The following ATRNL1 variants were observed in gnomAD, a reference collection of about 807,000 sequenced individuals.
The protein encoded by ATRNL1 is attractin-like protein 1.
In ATRNL1, 95 loss-of-function variants were observed where a neutral mutation model predicts 182.7. The ratio of observed to expected loss-of-function variants is 0.52; its 90% confidence interval spans 0.44 to 0.62. The LOEUF (loss-of-function observed/expected upper bound fraction) is 0.62, where lower values mean the gene tolerates loss of function less well. ATRNL1 is among the 20% of genes least tolerant of loss of function. The pLI, the probability that ATRNL1 is intolerant of heterozygous loss-of-function variation, is 0.00. For synonymous variants in ATRNL1, 576 were observed against 568.3 expected (o/e 1.01, Z -0.19); for missense variants, 1,471 against 1,679.5 (o/e 0.88, Z 2.17).
intron 26 of ATRNL1, among the ~76,000 whole-genome samples, chr10:115,692,704 TTTTA>T (rs746930456): frequency 6.6e-6 from 1 of 151,954 alleles, no homozygotes. Flanking sequence ...TTTTAAAACA[TTTTA>T]TTTATTTATT....
intron 8 of ATRNL1, among the ~76,000 whole-genome samples, chr10:115,189,215 G>A (rs782196164): frequency 6.6e-6 from 1 of 151,534 alleles, no homozygotes; most frequent in East Asian, 1.9e-4. Context: ...ACTGCCAGTC[G>A]TACAGAAGTA....
At chr10:115,464,786 T>A (rs1352013612) in intron 22 of ATRNL1, among the ~76,000 whole-genome samples, 2 of 151,794 alleles carry the variant, frequency 1.3e-5, no homozygotes, top group African/African-American at 4.8e-5. Flanking sequence ...GTACGCTGAT[T>A]TCACCATCCT....
chr10:115,637,632 A>ATTATTATTG (rs1488710617), intron 26 of ATRNL1, among the ~76,000 whole-genome samples: 4 of 147,986 alleles, frequency 2.7e-5, no homozygotes, highest in African/African-American at 9.8e-5. Flanking sequence ...TATTATTATT[A>ATTATTATTG]TTATTATTTT....
intron 5 of ATRNL1, among the ~76,000 whole-genome samples, chr10:115,153,665 C>A (rs1026624093): frequency 1.3e-5 from 2 of 151,958 alleles, no homozygotes; most frequent in Admixed American, 6.6e-5. Context: ...AAATCCAGCT[C>A]CTGCTCCTGG....
At chr10:115,880,366 G>A (rs781844414) in intron 28 of ATRNL1, among the ~76,000 whole-genome samples, 2 of 152,182 alleles carry the variant, frequency 1.3e-5, no homozygotes, top group Non-Finnish European at 2.9e-5. Context: ...GCTCACGCCT[G>A]TAATCCTAAC....
chr10:115,743,497 A>G (rs782396170), intron 27 of ATRNL1, among the ~76,000 whole-genome samples: 35 of 152,110 alleles, frequency 2.3e-4, no homozygotes, highest in Admixed American at 1.6e-3. Flanking sequence ...AATGAGAAAC[A>G]TTATCTTAAG....
chr10:115,290,525 G>A (rs1049122555), intron 15 of ATRNL1, among the ~76,000 whole-genome samples: 5 of 152,066 alleles, frequency 3.3e-5, no homozygotes, highest in East Asian at 1.9e-4. Flanking sequence ...GCCTGGTGGC[G>A]GGCGCCTGTA....
chr10:115,129,062 G>C (rs1162061618), intron 4 of ATRNL1, among the ~76,000 whole-genome samples: 1 of 152,178 alleles, frequency 6.6e-6, no homozygotes, highest in East Asian at 1.9e-4. Context: ...AGATCCTGCA[G>C]ATGTTGAGCA....
At position 115,264,166 on chromosome 10, in the gene ATRNL1, T is replaced by C. The variant is rs145923501; in HGVS notation, c.1688-1027T>C. 4.1e-3 allele frequency among the ~76,000 whole-genome samples: 624 copies of C among 151,834 alleles called. 2 individuals carry two copies. Among genetic ancestry groups the C allele is most frequent in the African/African-American group, 0.013 (544 of 41,552 alleles). On this transcript the variant is annotated intron_variant, in intron 10 of 28. Transcript: ENST00000355044. ...GTTACGTATGTATACATGTGCCATG[T>C]TGGTGTTCAGCATCATTTTCTAAAC...
chr10:115,462,078 C>T lies in ATRNL1; in HGVS notation c.3417+43C>T, dbSNP rs200634962. The T allele has an allele frequency of 4.2e-5, 60 of 1,421,834 alleles. No individual in the cohort carries two copies. In the African/African-American group the frequency reaches 7.3e-4, roughly 17 times the overall value. 88.1% of individuals were successfully genotyped at this position (1,421,834 alleles called of 1,614,324 possible). A position where few individuals can be genotyped will look rare whatever the true frequency, so the allele number is the denominator to read the frequency against. ...TCTTTTAAAGTATAATTATTGGACA[C>T]AATTTTTTTTTCATATTTCATTTGA... is the stretch of plus-strand genomic sequence containing the variant. On this transcript the variant is annotated intron_variant, in intron 22 of 28. Coordinates refer to ENST00000355044, the MANE Select transcript of ATRNL1 (RefSeq NM_207303.4).
At chr10:115,344,280 TAA>T (rs782520912) in intron 19 of ATRNL1, among the ~76,000 whole-genome samples, 1 of 152,142 alleles carries the variant, frequency 6.6e-6, no homozygotes, top group African/African-American at 2.4e-5. Flanking sequence ...GGACTAGAGT[TAA>T]AAACCTTAGA....
At chr10:115,187,151 C>T (rs1554888891) in intron 8 of ATRNL1, among the ~76,000 whole-genome samples, 1 of 150,952 alleles carries the variant, frequency 6.6e-6, no homozygotes, top group African/African-American at 2.4e-5. Flanking sequence ...AGAGGGAGTA[C>T]TTGTACACTG....
At chr10:115,309,681 TAGGGTTTTCTAGGTATAC>T (rs1564900047) in intron 17 of ATRNL1, among the ~76,000 whole-genome samples, 2 of 152,084 alleles carry the variant, frequency 1.3e-5, no homozygotes, top group African/African-American at 4.8e-5. Context: ...GAGGGCTCTT[TAGGGTTTTCTAGGTATAC>T]AATCATATCA....
intron 26 of ATRNL1, among the ~76,000 whole-genome samples, chr10:115,579,582 A>G (rs561243095): frequency 1.3e-5 from 2 of 151,842 alleles, no homozygotes; most frequent in African/African-American, 4.8e-5. Flanking sequence ...GTCTTTTTCC[A>G]TCCCTTCACT....
Position 115,549,468 on chromosome 10 carries a change from T to C in ATRNL1, c.3727T>C (p.Ser1243Pro). 6.3e-7 allele frequency: 1 copy of C among 1,599,104 alleles called. No individual in the cohort carries two copies. Among genetic ancestry groups the C allele is most frequent in the Non-Finnish European group, 8.5e-7 (1 of 1,172,434 alleles). Residue 1243 changes from serine (S) to proline (P), a missense_variant, in exon 26 of 29, where the codon TCC (serine) becomes CCC (proline). Physicochemically the swap from Ser to Pro is moderately conservative, Grantham distance 74. This residue lies in a region of ATRNL1 where 437 missense variants were observed against 506.0 expected (regional missense o/e 0.86). Transcript: ENST00000355044. ...TGTTTTATTTTCCAGTTGTTTCCTA[T>C]CCTTATTGCTGGTGGCTGCTGTGGT... is the stretch of plus-strand genomic sequence containing the variant. ...FFVTFFSCFLSLLLVAAVVWK... is the reference protein window; with the variant it reads ...FFVTFFSCFLPLLLVAAVVWK...
In ATRNL1 at chr10:115,478,448, G is replaced by T. The variant is rs144178659; in HGVS notation, c.3654+9119G>T. ...TCTTCTTAGCCTCTAGAAGATGGCC[G>T]CTGTTCCCTGCCACATGGCCCTCTC... On this transcript the variant is annotated intron_variant, in intron 24 of 28. Coordinates refer to ENST00000355044, the MANE Select transcript of ATRNL1 (RefSeq NM_207303.4). 1.7e-3 allele frequency among the ~76,000 whole-genome samples: 258 copies of T among 151,816 alleles called. 1 individual carries two copies. The highest frequency in any genetic ancestry group is 5.8e-3 in the African/African-American group (240 of 41,500).
intron 26 of ATRNL1, among the ~76,000 whole-genome samples, chr10:115,611,968 G>A (rs111592618): frequency 4.9e-4 from 75 of 152,128 alleles, no homozygotes; most frequent in African/African-American, 1.8e-3. Context: ...AGACAACTGA[G>A]GGCCAGCCAT....
intron 18 of ATRNL1, among the ~76,000 whole-genome samples, chr10:115,328,918 T>C (rs1214476622): frequency 6.6e-6 from 1 of 152,134 alleles, no homozygotes. Context: ...TGCTGCAATA[T>C]ATTAATACAT....
In ATRNL1 at chr10:115,357,695, T is replaced by C. The variant is rs1199591879; in HGVS notation, c.3175+23276T>C. On this transcript the variant is annotated intron_variant, in intron 19 of 28. Transcript: ENST00000355044. Reference sequence around the variant, plus strand: ...CTTTACTTTATGGCCAATTTATTGATTTTATAGTAATAATTTATGTTTTTA... The same window carrying C: ...CTTTACTTTATGGCCAATTTATTGACTTTATAGTAATAATTTATGTTTTTA... Among the ~76,000 whole-genome samples, 3 of 151,660 alleles carry C rather than the reference T, an allele frequency of 2.0e-5. No homozygotes were observed. The East Asian group carries it at 5.8e-4, about 29-fold the overall frequency.
Sources: allele counts gnomAD v4.1 joint callset (sites outside exome capture counted in the v4.1 genomes callset), GRCh38; gene constraint gnomAD v4.1.1; regional missense constraint gnomAD v4.1.1; transcripts MANE v1.5; gene names NCBI Gene and HGNC (gene_info 2026-07-23, HGNC 2026-07-21).